Variants in DMD observed in about 807,000 individuals in gnomAD.
The protein encoded by DMD is dystrophin, also known as mutant dystrophin.
A neutral mutation model predicts 330.1 loss-of-function variants in DMD; 63 were observed. The ratio of observed to expected loss-of-function variants is 0.19; its 90% CI spans 0.16 to 0.24. The LOEUF (loss-of-function observed/expected upper bound fraction) is 0.24. Among genes scored for constraint, DMD ranks in the 10% least tolerant of loss-of-function variants. The probability of loss-of-function intolerance (pLI) is 1.00; values close to 1 mark genes in which losing one functional copy is unlikely to be tolerated. For missense variants in DMD, 3,344 were observed against 2,684.1 expected, an observed-to-expected ratio of 1.25 and a Z score of -5.43; for synonymous variants, 1,223 against 959.8, an observed-to-expected ratio of 1.27 and a Z score of -5.07.
intron 7 of DMD, among the ~76,000 whole-genome samples, chrX:32,706,319 C>T (rs1276921545): frequency 1.9e-5 from 2 of 107,557 alleles, no homozygotes; most frequent in African/African-American, 3.4e-5. Context: ...ACCAACATGG[C>T]ACATGTATAC....
chrX:31,254,985 C>T (rs1201059975), intron 63 of DMD, among the ~76,000 whole-genome samples: 1 of 102,709 alleles, frequency 9.7e-6, no homozygotes. Flanking sequence ...TTCAAAGCTG[C>T]AGTGAGCCAT....
intron 2 of DMD, among the ~76,000 whole-genome samples, chrX:32,912,925 G>T (rs1404430408): frequency 8.9e-6 from 1 of 112,124 alleles, no homozygotes; most frequent in Non-Finnish European, 1.9e-5. Context: ...TATGTAATAA[G>T]ATATTTTTAA....
chrX:31,441,122 G>C (rs983108106), intron 60 of DMD, among the ~76,000 whole-genome samples: 34 of 112,226 alleles, frequency 3.0e-4, no homozygotes, highest in Non-Finnish European at 1.7e-4. Flanking sequence ...ATACTATTTT[G>C]CCCAAATTTA....
At chrX:31,422,044 T>TATATATATATA (rs56161808) in intron 60 of DMD, among the ~76,000 whole-genome samples, 1 of 76,088 alleles carries the variant, frequency 1.3e-5, no homozygotes, top group Non-Finnish European at 2.2e-5. Context: ...TATATATATA[T>TATATATATATA]TTTTTTTTTT....
chrX:33,071,812 C>G (rs1290120106), intron 1 of DMD, among the ~76,000 whole-genome samples: 5 of 111,766 alleles, frequency 4.5e-5, no homozygotes, highest in African/African-American at 1.3e-4. Flanking sequence ...CATAGACACA[C>G]TCTTTTGCAT....
chrX:32,327,781 A>G (rs2097658707), intron 41 of DMD, among the ~76,000 whole-genome samples: 1 of 111,457 alleles, frequency 9.0e-6, no homozygotes, highest in South Asian at 3.7e-4. Context: ...AACTCTAAAA[A>G]CTCATATTGA....
chrX:32,336,026 TAAC>T (rs2097712092), intron 41 of DMD, among the ~76,000 whole-genome samples: 1 of 99,429 alleles, frequency 1.0e-5, no homozygotes, highest in Admixed American at 1.1e-4. Context: ...CGTGTATATA[TAAC>T]GTTATATATA....
intron 44 of DMD, among the ~76,000 whole-genome samples, chrX:32,060,068 A>G (rs781055067): frequency 9.1e-6 from 1 of 109,978 alleles, no homozygotes; most frequent in East Asian, 2.9e-4. Flanking sequence ...TGTCTGCTCG[A>G]AAGCCATATC....
intron 44 of DMD, among the ~76,000 whole-genome samples, chrX:32,178,830 GGTGTGTGTGTGTGTGTGTGTGT>G (rs60773717): frequency 3.0e-5 from 3 of 99,176 alleles, no homozygotes; most frequent in African/African-American, 7.6e-5. Context: ...TATTCCAGGG[GGTGTGTGTGTGTGTGTGTGTGT>G]GTGTGTGTGT....
At chrX:31,594,243 C>T (rs1317841437) in intron 55 of DMD, among the ~76,000 whole-genome samples, 1 of 110,551 alleles carries the variant, frequency 9.0e-6, no homozygotes, top group African/African-American at 3.3e-5. Context: ...TGCTAAATGT[C>T]CACTTGGTGG....
At chrX:31,463,714 C>T (rs1432881019) in intron 59 of DMD, among the ~76,000 whole-genome samples, 1 of 111,552 alleles carries the variant, frequency 9.0e-6, no homozygotes, top group Non-Finnish European at 1.9e-5. Context: ...CACATTTTAG[C>T]ACTGTTTCTA....
intron 44 of DMD, among the ~76,000 whole-genome samples, chrX:32,074,069 T>A (rs191419264): frequency 2.1e-4 from 23 of 111,816 alleles, no homozygotes; most frequent in Admixed American, 6.7e-4. Context: ...ATTCTCAAAC[T>A]TTTTCATTTT....
intron 2 of DMD, among the ~76,000 whole-genome samples, chrX:32,885,828 A>AG (rs141962815): frequency 0.036 from 210 of 5,860 alleles, 2 homozygotes; most frequent in East Asian, 0.22. Context: ...CTTGAGGGGG[A>AG]AAAAAAAAAA....
chrX:33,197,205 A>C (rs1178512489), intron 1 of DMD, among the ~76,000 whole-genome samples: 3 of 111,628 alleles, frequency 2.7e-5, no homozygotes, highest in African/African-American at 9.8e-5. Context: ...GAAAACCAAG[A>C]GCTTATTAAA....
rs185153399 is a variant in DMD at position 32,796,984 on chromosome X, G to A, written c.649+12509C>T. On this transcript the variant is annotated intron_variant, in intron 7 of 78. Transcript: ENST00000357033. ...TCATCTTATATTTCATGTTCCAGCT[G>A]TAAAATGTCACATGCATTTTATATA... Among the ~76,000 whole-genome samples the A allele has an allele frequency of 8.0e-5, 9 of 112,130 alleles. No homozygotes were observed. In the East Asian group the frequency reaches 2.2e-3, roughly 28 times the overall value.
chrX:32,751,330 A>C (rs1215981096), intron 7 of DMD, among the ~76,000 whole-genome samples: 2 of 111,223 alleles, frequency 1.8e-5, no homozygotes, highest in Admixed American at 9.6e-5. Context: ...ATGGTCTCAG[A>C]TAGAGATGAG....
intron 63 of DMD, among the ~76,000 whole-genome samples, chrX:31,238,718 A>G (rs1180026443): frequency 8.9e-6 from 1 of 112,213 alleles, no homozygotes; most frequent in Non-Finnish European, 1.9e-5. Context: ...CTTCTCCGCT[A>G]CAGAACAAAT....
intron 21 of DMD, among the ~76,000 whole-genome samples, chrX:32,479,936 G>A (rs1209251954): frequency 9.0e-6 from 1 of 110,893 alleles, no homozygotes; most frequent in East Asian, 2.8e-4. Flanking sequence ...AAAAGCTCCT[G>A]CACAGGAAAG....
At chrX:32,258,971 T>C (rs1012229233) in intron 43 of DMD, among the ~76,000 whole-genome samples, 4 of 111,305 alleles carry the variant, frequency 3.6e-5, no homozygotes, top group African/African-American at 1.3e-4. Flanking sequence ...TATTTCTCTA[T>C]ACTACAAATT....
Sources: gnomAD v4.1 joint callset for allele counts (sites outside exome capture counted in the v4.1 genomes callset) on GRCh38, gnomAD v4.1.1 for gene constraint, MANE v1.5 for transcripts, NCBI Gene and HGNC (gene_info 2026-07-23, HGNC 2026-07-21) for gene names.